Variants in ATP13A4 observed in about 807,000 individuals in gnomAD.
ATP13A4 encodes the protein ATPase 13A4.
In ATP13A4, 114 loss-of-function variants were observed where a neutral mutation model predicts 142.5. The observed-to-expected ratio is 0.80, with a 90% CI of 0.69 to 0.93. The LOEUF (loss-of-function observed/expected upper bound fraction) is 0.93. ATP13A4 is among the 40% of genes least tolerant of loss of function. The pLI is 0.00. For synonymous variants in ATP13A4, 488 were observed against 514.8 expected (o/e 0.95, Z 0.70); for missense variants, 1,392 against 1,454.0 (o/e 0.96, Z 0.69).
At chr3:193,514,534 T>C (rs187845751) in intron 2 of ATP13A4, among the ~76,000 whole-genome samples, 164 bp downstream of exon 2, 2 of 152,080 alleles carry the variant, frequency 1.3e-5, no homozygotes, top group Admixed American at 6.5e-5. Flanking sequence ...ATACACAAAT[T>C]AGTGAAATCC....
At position 193,514,744 on chromosome 3, in the gene ATP13A4, A is replaced by G; in HGVS notation, c.188T>C (p.Val63Ala). 6.2e-7 allele frequency: 1 copy of G among 1,614,192 alleles called. No homozygotes were observed. Among genetic ancestry groups the G allele is most frequent in the Non-Finnish European group, 8.5e-7 (1 of 1,180,036 alleles). Residue 63 changes from valine (V) to alanine (A), a missense_variant, in exon 2 of 30, where the codon GTC (valine) becomes GCC (alanine). Val to Ala is a moderately conservative substitution (Grantham distance 64). Coordinates refer to ENST00000342695, the MANE Select transcript of ATP13A4 (RefSeq NM_032279.4). ...RPAWHVWAHCVPCSLQEADTV... is the reference protein window; with the variant it reads ...RPAWHVWAHCAPCSLQEADTV... The stretch of plus-strand genomic sequence containing the variant: ...GTCTGCTTCTTGCAAGGAACATGGG[A>G]CACAATGTGCCCATACGTGCCATGC...
At chr3:193,426,462 C>CA (rs1715672607) in intron 25 of ATP13A4, among the ~76,000 whole-genome samples, 1 of 151,730 alleles carries the variant, frequency 6.6e-6, no homozygotes. Context: ...AGATTTGATG[C>CA]AATCTCTATC....
chr3:193,529,163 G>A (rs138215223), intron 1 of ATP13A4, among the ~76,000 whole-genome samples: 1,802 of 152,018 alleles, frequency 0.012, 34 homozygotes, highest in Admixed American at 0.047. Flanking sequence ...CCAGCTACTC[G>A]GGAGGCTGAG....
intron 1 of ATP13A4, among the ~76,000 whole-genome samples, chr3:193,548,286 C>T (rs138959144): frequency 1.6e-3 from 249 of 152,254 alleles, no homozygotes; most frequent in Non-Finnish European, 2.9e-3. Flanking sequence ...CTTGCAATTA[C>T]GCTATCATGC....
At chr3:193,413,848 C>T (rs1714906696) in intron 26 of ATP13A4, among the ~76,000 whole-genome samples, 1 of 152,156 alleles carries the variant, frequency 6.6e-6, no homozygotes, top group African/African-American at 2.4e-5. Context: ...CTTTTGATTT[C>T]ACCCTTTGCC....
At chr3:193,475,853 C>T (rs1718933801) in intron 8 of ATP13A4, among the ~76,000 whole-genome samples, 2 of 151,954 alleles carry the variant, frequency 1.3e-5, no homozygotes, top group African/African-American at 4.8e-5. Context: ...AATTCTAAAA[C>T]CATCTTAAAT....
At chr3:193,416,824 T>C (rs541074996) in intron 25 of ATP13A4, among the ~76,000 whole-genome samples, 1 of 152,038 alleles carries the variant, frequency 6.6e-6, no homozygotes, top group Admixed American at 6.5e-5. Context: ...GCAGAAAACT[T>C]CCCAAATTTG....
chr3:193,477,328 G>C lies in ATP13A4; in HGVS notation c.809-6335C>G, dbSNP rs138195666. 2.5e-3 allele frequency among the ~76,000 whole-genome samples: 383 copies of C among 152,084 alleles called. 4 individuals carry two copies. Among genetic ancestry groups the C allele is most frequent in the African/African-American group, 8.9e-3 (370 of 41,436 alleles). On this transcript the variant is annotated intron_variant, in intron 8 of 29. Transcript: ENST00000342695. The stretch of plus-strand genomic sequence containing the variant: ...GTTCTAAAATAATCTAGGGTGGAGA[G>C]TTAATAGAACAGATGAAAAAAGATT...
chr3:193,571,075 C>G (rs3891477), intron 2 of ATP13A4, among the ~76,000 whole-genome samples: 1 of 152,102 alleles, frequency 6.6e-6, no homozygotes, highest in East Asian at 1.9e-4. Flanking sequence ...GTCAGGAGTT[C>G]GAAACCAGCC....
At chr3:193,488,455 T>A (rs1719762753) in intron 7 of ATP13A4, among the ~76,000 whole-genome samples, 1 of 152,166 alleles carries the variant, frequency 6.6e-6, no homozygotes, top group South Asian at 2.1e-4. Context: ...CCTTAATTTT[T>A]ATTCACACTC....
In ATP13A4 at chr3:193,401,104, G is replaced by T. The variant is rs1714245858; in HGVS notation, c.*1548C>A. ...GCCATCAGCCATGCTCAAGAGCTCAGTTAGGGGGAAGGAATGCTTGCAAAT... is the reference window on the plus strand; with the variant it reads ...GCCATCAGCCATGCTCAAGAGCTCATTTAGGGGGAAGGAATGCTTGCAAAT... On this transcript the variant is annotated 3_prime_UTR_variant, in exon 30 of 30. Transcript: ENST00000342695. 6.6e-6 allele frequency among the ~76,000 whole-genome samples: 1 copy of T among 152,194 alleles called. No individual in the cohort carries two copies. Among genetic ancestry groups the T allele is most frequent in the Non-Finnish European group, 1.5e-5 (1 of 68,046 alleles).
intron 17 of ATP13A4, among the ~76,000 whole-genome samples, chr3:193,449,608 C>T (rs745793870): frequency 2.6e-5 from 4 of 152,222 alleles, no homozygotes; most frequent in African/African-American, 4.8e-5. Context: ...TCAGCTATCA[C>T]TAAACTCCTC....
intron 2 of ATP13A4, among the ~76,000 whole-genome samples, chr3:193,580,034 T>C (rs1724499618): frequency 3.9e-5 from 6 of 152,136 alleles, no homozygotes; most frequent in Admixed American, 3.9e-4. Flanking sequence ...CACCCTAAAT[T>C]TTATTTCAGT....
chr3:193,548,055 A>T (rs1466944768), intron 1 of ATP13A4, among the ~76,000 whole-genome samples: 1 of 152,192 alleles, frequency 6.6e-6, no homozygotes, highest in Admixed American at 6.5e-5. Flanking sequence ...TATCTCATAG[A>T]AAAATAGTAT....
intron 1 of ATP13A4, 106 bp from the exon 2 acceptor site, chr3:193,514,977 A>T: frequency 8.1e-7 from 1 of 1,229,758 alleles, no homozygotes; most frequent in Non-Finnish European, 1.2e-6. Flanking sequence ...GAAGGAGTTG[A>T]GGAGGGTGAG....
intron 27 of ATP13A4, among the ~76,000 whole-genome samples, chr3:193,411,968 G>C (rs1198729286): frequency 6.6e-6 from 1 of 152,220 alleles, no homozygotes. Flanking sequence ...AGGAAAGGGA[G>C]AAAGAAGCCC....
chr3:193,469,955 G>A (rs573778912), intron 9 of ATP13A4, among the ~76,000 whole-genome samples: 36 of 152,334 alleles, frequency 2.4e-4, no homozygotes, highest in Middle Eastern at 3.4e-3. Flanking sequence ...AAAAGAACCT[G>A]CTTTGCCATG....
intron 21 of ATP13A4, 161 bp downstream of exon 21, chr3:193,440,397 G>T: frequency 1.5e-6 from 2 of 1,330,720 alleles, no homozygotes; most frequent in Non-Finnish European, 2.0e-6. Flanking sequence ...GAGATCCCTT[G>T]GTACTGCTAT....
At chr3:193,536,831 T>C (rs1202646351) in intron 1 of ATP13A4, among the ~76,000 whole-genome samples, 1 of 152,024 alleles carries the variant, frequency 6.6e-6, no homozygotes, top group African/African-American at 2.4e-5. Context: ...GTAGTAAACA[T>C]ATGGGTACTG....
Sources: allele counts gnomAD v4.1 joint callset (sites outside exome capture counted in the v4.1 genomes callset), GRCh38; gene constraint gnomAD v4.1.1; transcripts MANE v1.5; gene names NCBI Gene and HGNC (gene_info 2026-07-23, HGNC 2026-07-21).